DCT: variants seen among roughly 807,000 people sequenced by gnomAD.
DCT encodes L-dopachrome tautomerase.
Under a neutral mutation model 53.0 loss-of-function variants are expected in DCT, and 47 were observed. The observed-to-expected ratio is 0.89, with a 90% confidence interval of 0.70 to 1.13. The LOEUF (loss-of-function observed/expected upper bound fraction) is 1.13, where lower values mean the gene tolerates loss of function less well. Among genes scored for constraint, DCT ranks in the 50% most tolerant of loss-of-function variants. The pLI, the probability that DCT is intolerant of heterozygous loss-of-function variation, is 0.00. For synonymous variants in DCT, 244 were observed against 237.0 expected (o/e 1.03, Z -0.27); for missense variants, 669 against 637.4 (o/e 1.05, Z -0.53).
upstream of DCT, among the ~76,000 whole-genome samples, chr13:94,481,182 G>C (rs546285169): frequency 1.2e-4 from 18 of 152,300 alleles, no homozygotes; most frequent in South Asian, 3.1e-3. Flanking sequence ...ATTGGATGTA[G>C]AGCCCACTCA....
At chr13:94,504,123 C>T in the DCT span, among the ~76,000 whole-genome samples, 1 of 152,188 alleles carries the variant, frequency 6.6e-6, no homozygotes. Context: ...AAAAGTGGTG[C>T]AATCCTTGTT....
At chr13:94,468,184 G>A (rs560969613) in intron 2 of DCT, 7 of 152,918 alleles carry the variant, frequency 4.6e-5, no homozygotes, top group African/African-American at 1.4e-4. Flanking sequence ...GAAACCTGGG[G>A]ATTCCGGACC....
At chr13:94,518,058 TAAAGAAAAGA>T in the DCT span, among the ~76,000 whole-genome samples, 932 of 112,258 alleles carry the variant, frequency 8.3e-3, 9 homozygotes, top group African/African-American at 0.031. Context: ...GTCTGGGCAA[TAAAGAAAAGA>T]AAAGAAAAGA....
At chr13:94,467,097 T>C (rs1884274894) in intron 2 of DCT, 1 of 153,100 alleles carries the variant, frequency 6.5e-6, no homozygotes, top group Non-Finnish European at 1.5e-5. Flanking sequence ...TTAATAATAT[T>C]GTAACTTCAA....
At chr13:94,452,259 C>A in intron 6 of DCT, among the ~76,000 whole-genome samples, 1 of 152,302 alleles carries the variant, frequency 6.6e-6, no homozygotes, top group African/African-American at 2.4e-5. Context: ...TCTTGAACTC[C>A]TGACCTCAGG....
the DCT span, among the ~76,000 whole-genome samples, chr13:94,510,667 G>A: frequency 1.3e-5 from 2 of 152,310 alleles, no homozygotes; most frequent in African/African-American, 4.8e-5. Flanking sequence ...CTAGCAGACA[G>A]AGCTGCTTTA....
the DCT span, among the ~76,000 whole-genome samples, chr13:94,506,594 T>C: frequency 1.3e-5 from 2 of 152,120 alleles, no homozygotes; most frequent in African/African-American, 4.8e-5. Context: ...TTAGTAAATA[T>C]AGAAAGAATG....
chr13:94,538,855 C>T, the DCT span, among the ~76,000 whole-genome samples: 2 of 152,194 alleles, frequency 1.3e-5, no homozygotes, highest in Non-Finnish European at 2.9e-5. Context: ...TCCTCCCTCA[C>T]TCTTAGGATT....
chr13:94,499,870 C>A, the DCT span, among the ~76,000 whole-genome samples: 1 of 152,120 alleles, frequency 6.6e-6, no homozygotes, highest in Non-Finnish European at 1.5e-5. Flanking sequence ...CTCTTCTCCT[C>A]AGCTTTATTG....
chr13:94,535,500 G>C, the DCT span, among the ~76,000 whole-genome samples: 1 of 152,176 alleles, frequency 6.6e-6, no homozygotes, highest in Non-Finnish European at 1.5e-5. Flanking sequence ...GTCAGATAAG[G>C]ATGCTTCAAG....
At chr13:94,494,056 T>C in the DCT span, among the ~76,000 whole-genome samples, 1 of 152,304 alleles carries the variant, frequency 6.6e-6, no homozygotes, top group African/African-American at 2.4e-5. Flanking sequence ...AGCTATAAAA[T>C]TAGGAGATTC....
intron 6 of DCT, among the ~76,000 whole-genome samples, chr13:94,450,668 T>C (rs1377499883): frequency 6.6e-6 from 1 of 152,214 alleles, no homozygotes; most frequent in African/African-American, 2.4e-5. Flanking sequence ...TCTGAACAGA[T>C]GCAGAGGACT....
the DCT span, among the ~76,000 whole-genome samples, chr13:94,504,146 T>A: frequency 2.3e-4 from 35 of 152,260 alleles, no homozygotes; most frequent in Non-Finnish European, 3.7e-4. Flanking sequence ...TTTTATAGAC[T>A]GTGATTCTTG....
At chr13:94,456,430 A>G (rs1417308379) in intron 6 of DCT, among the ~76,000 whole-genome samples, 1 of 152,150 alleles carries the variant, frequency 6.6e-6, no homozygotes, top group Non-Finnish European at 1.5e-5. Context: ...ACAATAATAA[A>G]TCACCTGTGA....
chr13:94,452,720 C>T (rs1883177587), intron 6 of DCT: 1 of 673,098 alleles, frequency 1.5e-6, no homozygotes, highest in Non-Finnish European at 2.7e-6. Context: ...TAAAATAATA[C>T]ATTTCAGGAT....
the DCT span, among the ~76,000 whole-genome samples, chr13:94,490,369 G>A: frequency 6.6e-6 from 1 of 151,738 alleles, no homozygotes; most frequent in Non-Finnish European, 1.5e-5. Flanking sequence ...GCTGGGCATG[G>A]TGGTGCATGC....
At chr13:94,458,092 C>T (rs966926081) in intron 6 of DCT, among the ~76,000 whole-genome samples, 1 of 152,220 alleles carries the variant, frequency 6.6e-6, no homozygotes, top group African/African-American at 2.4e-5. Context: ...GTGACACCCC[C>T]TTTCCCGGCT....
At chr13:94,473,777 G>A (rs74903748) in intron 1 of DCT, among the ~76,000 whole-genome samples, 1 of 90,342 alleles carries the variant, frequency 1.1e-5, no homozygotes, top group Non-Finnish European at 2.8e-5. Context: ...GGGAAGTGGG[G>A]GGGTAAAGAA....
the DCT span, among the ~76,000 whole-genome samples, chr13:94,511,348 TTCTC>T: frequency 1.4e-4 from 21 of 145,708 alleles, no homozygotes; most frequent in East Asian, 4.1e-4. Context: ...CTACATAACT[TTCTC>T]TCTCTCTCTC....
Sources: allele counts gnomAD v4.1 joint callset (sites outside exome capture counted in the v4.1 genomes callset), GRCh38; gene constraint gnomAD v4.1.1; transcripts MANE v1.5; gene names NCBI Gene and HGNC (gene_info 2026-07-23, HGNC 2026-07-21).